PPP1R21: variants seen among roughly 807,000 people sequenced by gnomAD.
PPP1R21 encodes protein phosphatase 1 regulatory subunit 21.
Under a neutral mutation model 112.8 loss-of-function variants are expected in PPP1R21, and 85 were observed. That is an observed-to-expected ratio of 0.75 (90% confidence interval 0.63 to 0.90). PPP1R21 has a LOEUF of 0.90. PPP1R21 is among the 40% of genes least tolerant of loss of function. The pLI is 0.00. For missense variants in PPP1R21, 1,199 were observed against 901.5 expected, an observed-to-expected ratio of 1.33 and a Z score of -4.23; for synonymous variants, 381 against 322.3, an observed-to-expected ratio of 1.18 and a Z score of -1.95.
chr2:48,486,047 T>C (rs959945093), intron 13 of PPP1R21, among the ~76,000 whole-genome samples: 5 of 150,954 alleles, frequency 3.3e-5, no homozygotes, highest in African/African-American at 1.2e-4. Flanking sequence ...TTCTATGCTT[T>C]CCTAACCACA....
rs539528658 is a variant in PPP1R21, at chr2:48,497,679, T to C, written c.1693-814T>C. Among the ~76,000 whole-genome samples the C allele has an allele frequency of 4.2e-5, 6 of 142,056 alleles. No individual in the cohort carries two copies. In the South Asian group the frequency reaches 1.3e-3, roughly 32 times the overall value. 93.2% of individuals were successfully genotyped at this position (142,056 alleles called of 152,430 possible). On this transcript the variant is annotated intron_variant, in intron 16 of 21. Coordinates refer to ENST00000294952, the MANE Select transcript of PPP1R21 (RefSeq NM_001135629.3). ...TTTTTTTTTTTTTTTGGAGACGGAGTCTTACTCTGTCGCCCAGGCTGGAGT... is the reference window on the plus strand; with the variant it reads ...TTTTTTTTTTTTTTTGGAGACGGAGCCTTACTCTGTCGCCCAGGCTGGAGT...
intron 11 of PPP1R21, among the ~76,000 whole-genome samples, chr2:48,472,831 G>T (rs1312774446): frequency 6.6e-6 from 1 of 151,434 alleles, no homozygotes; most frequent in African/African-American, 2.4e-5. Context: ...TGTGCCTGTA[G>T]TCCTAGCTAC....
Position 48,471,170 on chromosome 2 carries a change from G to A in PPP1R21, c.981G>A (p.Glu327=), listed in dbSNP as rs1459025506. 4.3e-6 allele frequency: 7 copies of A among 1,611,182 alleles called. No individual in the cohort carries two copies. In the East Asian group the frequency reaches 6.7e-5, roughly 15 times the overall value. The change falls in exon 10 of 22, where the codon GAG becomes GAA. Residue 327 remains glutamate (E), a synonymous_variant. Transcript: ENST00000294952. ...TTCATTTATTTGAAAGTATCACTGA[G>A]GATACTGTGACTGTCTTGGTAATTT... ...GMLHLFESIT[E]DTVTVLETTV... is the part of the protein sequence containing the mutation.
intron 7 of PPP1R21, among the ~76,000 whole-genome samples, chr2:48,461,536 A>G (rs1667980113): frequency 6.6e-6 from 1 of 152,212 alleles, no homozygotes; most frequent in Non-Finnish European, 1.5e-5. Context: ...ATATTTGTAC[A>G]AGAAAAATTG....
In PPP1R21 at chr2:48,486,690, C is replaced by A. The variant is rs772135775; in HGVS notation, c.1378C>A (p.Gln460Lys). Reference sequence around the variant, plus strand: ...AGAGCATGAACTTCCAACAGCAACACAGAAGCTGATAACAACTAATGACTG... The same window carrying A: ...AGAGCATGAACTTCCAACAGCAACAAAGAAGCTGATAACAACTAATGACTG... ...AIEHELPTAT[Q>K]KLITTNDCIL... Residue 460 changes from glutamine (Q) to lysine (K), a missense_variant, in exon 14 of 22, where the codon CAG becomes AAG. Physicochemically the swap from Gln to Lys is moderately conservative, Grantham distance 53. Coordinates refer to ENST00000294952, the MANE Select transcript of PPP1R21 (RefSeq NM_001135629.3). 8.7e-6 allele frequency: 14 copies of A among 1,613,752 alleles called. No individual in the cohort carries two copies. The highest frequency in any genetic ancestry group is 1.6e-4 in the Middle Eastern group (1 of 6,062).
intron 1 of PPP1R21, among the ~76,000 whole-genome samples, chr2:48,441,701 G>A (rs113572785): frequency 1.3e-5 from 2 of 152,184 alleles, no homozygotes; most frequent in African/African-American, 4.8e-5. Flanking sequence ...TATGGCATCA[G>A]TCTTTTAAAT....
At chr2:48,452,734 A>G (rs563254283) in intron 2 of PPP1R21, among the ~76,000 whole-genome samples, 2 of 152,062 alleles carry the variant, frequency 1.3e-5, no homozygotes, top group South Asian at 4.1e-4. Context: ...ATTGATTTGA[A>G]TTTTTAAAAT....
Position 48,461,133 on chromosome 2 carries a change from T to G in PPP1R21, c.600-5T>G. On this transcript the variant is annotated splice_region_variant and splice_polypyrimidine_tract_variant and intron_variant, in intron 6 of 21. Transcript: ENST00000294952. ...TGTGGTTTTGTATTTTTTTTTTTTT[T>G]GCAGTCAATTACAGTTAAAGACTCT... The G allele has an allele frequency of 1.9e-6, 3 of 1,570,202 alleles. No homozygotes were observed. Among genetic ancestry groups the G allele is most frequent in the South Asian group, 1.2e-5 (1 of 82,374 alleles).
intron 12 of PPP1R21, among the ~76,000 whole-genome samples, chr2:48,475,917 T>G (rs1221969871): frequency 6.6e-6 from 1 of 152,204 alleles, no homozygotes. Context: ...ATGCCATAAT[T>G]TTTCTGGTAC....
intron 16 of PPP1R21, 110 bp from the exon 17 acceptor site, chr2:48,498,383 A>G (rs1220938798): frequency 9.9e-7 from 1 of 1,009,900 alleles, no homozygotes; most frequent in Non-Finnish European, 1.5e-6. Flanking sequence ...TTATTATTAT[A>G]TTTTTACCTC....
At chr2:48,497,810 C>T (rs1205219825) in intron 16 of PPP1R21, among the ~76,000 whole-genome samples, 2 of 152,028 alleles carry the variant, frequency 1.3e-5, no homozygotes, top group African/African-American at 4.8e-5. Context: ...CGCCGCCACA[C>T]CTGGCTAATT....
chr2:48,458,371 C>G, intron 4 of PPP1R21, 144 bp downstream of exon 4: 1 of 535,564 alleles, frequency 1.9e-6, no homozygotes, highest in Non-Finnish European at 3.5e-6. Context: ...GTCACTGTCA[C>G]TTATTCATTT....
intron 9 of PPP1R21, among the ~76,000 whole-genome samples, chr2:48,470,404 A>C (rs1334402845): frequency 1.3e-5 from 2 of 151,870 alleles, no homozygotes; most frequent in Non-Finnish European, 2.9e-5. Context: ...TGTAGTCCCA[A>C]CTACTTGGGA....
At chr2:48,488,245 C>A (rs1021262697) in intron 14 of PPP1R21, among the ~76,000 whole-genome samples, 1 of 152,158 alleles carries the variant, frequency 6.6e-6, no homozygotes, top group African/African-American at 2.4e-5. Context: ...CCACTGCCTC[C>A]CCTTTCACCT....
At chr2:48,464,882 AT>A in intron 7 of PPP1R21, 54 bp from the exon 8 acceptor site, 1 of 1,380,348 alleles carries the variant, frequency 7.2e-7, no homozygotes, top group Non-Finnish European at 1.0e-6. Context: ...CATTTAAGTT[AT>A]TTTCCAGTAT....
At chr2:48,491,502 G>T (rs1280796225) in intron 15 of PPP1R21, among the ~76,000 whole-genome samples, 3 of 151,392 alleles carry the variant, frequency 2.0e-5, no homozygotes, top group East Asian at 1.9e-4. Context: ...AGAAATATGT[G>T]TATGACTTTT....
intron 9 of PPP1R21, among the ~76,000 whole-genome samples, chr2:48,468,829 A>ATGTCTGTGTGTG (rs1553339042): frequency 6.8e-6 from 1 of 146,428 alleles, no homozygotes; most frequent in African/African-American, 2.5e-5. Context: ...AAAAAAATGT[A>ATGTCTGTGTGTG]TGTGTGTGTG....
At chr2:48,461,029 C>T in intron 6 of PPP1R21, 109 bp from the exon 7 acceptor site, 1 of 1,457,436 alleles carries the variant, frequency 6.9e-7, no homozygotes, top group Non-Finnish European at 9.0e-7. Flanking sequence ...TCCCAGATGT[C>T]AGGTGCAGTT....
intron 2 of PPP1R21, among the ~76,000 whole-genome samples, chr2:48,453,862 T>C (rs930208813): frequency 6.6e-6 from 1 of 152,234 alleles, no homozygotes; most frequent in African/African-American, 2.4e-5. Flanking sequence ...TTTTGACTAA[T>C]TTAAATTCAG....
Sources: gnomAD v4.1 joint callset for allele counts (sites outside exome capture counted in the v4.1 genomes callset) on GRCh38, gnomAD v4.1.1 for gene constraint, MANE v1.5 for transcripts, NCBI Gene and HGNC (gene_info 2026-07-23, HGNC 2026-07-21) for gene names.